Variants in RGS12 observed in about 807,000 individuals in gnomAD.
RGS12 encodes regulator of G protein signaling 12.
RGS12 carries 66 observed loss-of-function variants against 120.1 expected under a neutral mutation model. The ratio of observed to expected loss-of-function variants is 0.55; its 90% CI spans 0.45 to 0.67. RGS12 has a LOEUF of 0.67. Ranked by LOEUF, RGS12 falls within the 30% of genes least tolerant of loss-of-function variation. The probability of loss-of-function intolerance (pLI) is 0.00; values close to 1 mark genes in which losing one functional copy is unlikely to be tolerated. For missense variants in RGS12, 1,859 were observed against 1,957.7 expected (o/e 0.95, Z 0.95); for synonymous variants, 827 against 804.7 (o/e 1.03, Z -0.47).
In RGS12 at chr4:3,409,952, C is replaced by T. The variant is rs138576860; in HGVS notation, c.2021-4120C>T. Among the ~76,000 whole-genome samples, 1,152 of 152,326 alleles carry T rather than the reference C, an allele frequency of 7.6e-3. 14 individuals carry two copies. The highest frequency in any genetic ancestry group is 0.027 in the African/African-American group (1,104 of 41,560). ...CATCACTGTCCCCCAGGGTGAACTTCGTGCTGCTCCGTGCTGGCTCCCTGC... is the reference window on the plus strand; with the variant it reads ...CATCACTGTCCCCCAGGGTGAACTTTGTGCTGCTCCGTGCTGGCTCCCTGC... On this transcript the variant is annotated intron_variant, in intron 4 of 17. Coordinates refer to ENST00000336727, the MANE Select transcript of RGS12 (RefSeq NM_001394154.1).
chr4:3,423,499 T>G lies in RGS12; in HGVS notation c.3108-16T>G, dbSNP rs769499223. 5.0e-6 allele frequency: 8 copies of G among 1,612,502 alleles called. No homozygotes were observed. The highest frequency in any genetic ancestry group is 6.8e-6 in the Non-Finnish European group (8 of 1,179,472). On this transcript the variant is annotated splice_polypyrimidine_tract_variant and intron_variant, in intron 12 of 17. Coordinates refer to ENST00000336727, the MANE Select transcript of RGS12 (RefSeq NM_001394154.1). Reference sequence around the variant, plus strand: ...GCTGACATGAGTTGGTAGTGAATTTTTTCATCCCCCACCAGGCTGGATCTT... The same window carrying G: ...GCTGACATGAGTTGGTAGTGAATTTGTTCATCCCCCACCAGGCTGGATCTT...
At chr4:3,286,074 A>G in the RGS12 span, among the ~76,000 whole-genome samples, 1 of 152,216 alleles carries the variant, frequency 6.6e-6, no homozygotes, top group Non-Finnish European at 1.5e-5. Flanking sequence ...CAGATGCCTG[A>G]GGTGAGCAAG....
chr4:3,327,713 C>G (rs1235552433), intron 2 of RGS12, among the ~76,000 whole-genome samples: 5 of 152,132 alleles, frequency 3.3e-5, no homozygotes, highest in African/African-American at 9.7e-5. Flanking sequence ...AAATTAAAAC[C>G]ACAGTCAGAT....
intron 1 of RGS12, among the ~76,000 whole-genome samples, chr4:3,294,878 A>G (rs1395496131): frequency 6.6e-6 from 1 of 152,004 alleles, no homozygotes; most frequent in East Asian, 1.9e-4. Flanking sequence ...ACAAGGGCGG[A>G]GGAAAGGCCC....
At chr4:3,336,215 A>C (rs1028473839) in intron 2 of RGS12, among the ~76,000 whole-genome samples, 6 of 152,220 alleles carry the variant, frequency 3.9e-5, no homozygotes, top group African/African-American at 1.4e-4. Context: ...AAGTTGGAGT[A>C]ATTCCTTCTG....
At chr4:3,371,344 C>A (rs908134203) in intron 3 of RGS12, among the ~76,000 whole-genome samples, 1 of 152,172 alleles carries the variant, frequency 6.6e-6, no homozygotes. Context: ...TCATATCCTG[C>A]GTCGGAAAGT....
intron 9 of RGS12, 157 bp downstream of exon 9, chr4:3,417,698 C>T (rs1437637051): frequency 5.4e-6 from 4 of 736,240 alleles, no homozygotes; most frequent in Admixed American, 2.9e-5. Flanking sequence ...TAAGGAATGC[C>T]GCTGTGTCTG....
chr4:3,332,928 C>T (rs981173084), intron 2 of RGS12, among the ~76,000 whole-genome samples: 6 of 152,084 alleles, frequency 3.9e-5, no homozygotes, highest in African/African-American at 7.2e-5. Context: ...TGGGTTCAAG[C>T]GATTCTGCTG....
chr4:3,423,447 G>C, intron 12 of RGS12, 68 bp from the exon 13 acceptor site: 1 of 1,595,452 alleles, frequency 6.3e-7, no homozygotes, highest in South Asian at 1.1e-5. Flanking sequence ...CTGTAGTTCT[G>C]CTCGTGAGAC....
intron 1 of RGS12, among the ~76,000 whole-genome samples, chr4:3,293,839 CAGAG>C (rs1723201297): frequency 1.4e-5 from 2 of 145,668 alleles, no homozygotes; most frequent in African/African-American, 2.6e-5. Flanking sequence ...AGAGGGGGCC[CAGAG>C]CCGTGGAGTG....
chr4:3,302,784 G>A (rs1723756893), intron 1 of RGS12, among the ~76,000 whole-genome samples: 2 of 152,282 alleles, frequency 1.3e-5, no homozygotes, highest in South Asian at 2.1e-4. Flanking sequence ...GTCATTGGGG[G>A]CCTCAGGTAG....
chr4:3,356,039 T>A (rs868515144), intron 3 of RGS12, among the ~76,000 whole-genome samples: 1 of 146,544 alleles, frequency 6.8e-6, no homozygotes, highest in Non-Finnish European at 1.5e-5. Context: ...GGGCAGAGAT[T>A]ATCTTTTTCA....
intron 17 of RGS12, among the ~76,000 whole-genome samples, chr4:3,434,991 G>A (rs767696893): frequency 5.3e-5 from 8 of 152,110 alleles, no homozygotes; most frequent in African/African-American, 7.2e-5. Flanking sequence ...TCCACCTGCC[G>A]GCAGGGAGAT....
At chr4:3,335,348 T>C (rs1489692230) in intron 2 of RGS12, among the ~76,000 whole-genome samples, 1 of 152,224 alleles carries the variant, frequency 6.6e-6, no homozygotes, top group Non-Finnish European at 1.5e-5. Flanking sequence ...TCTAAAATAG[T>C]TTTGCTTTTG....
At chr4:3,414,278 T>C in intron 5 of RGS12, 37 bp downstream of exon 5, 1 of 1,505,550 alleles carries the variant, frequency 6.6e-7, no homozygotes, top group Non-Finnish European at 8.9e-7. Context: ...CGGAGCGGTC[T>C]GTGCTCTGCA....
Position 3,317,298 on chromosome 4 carries a change from G to A in RGS12, c.1128G>A (p.Pro376=), listed in dbSNP as rs373801360. The change falls in exon 2 of 18, where the codon CCG becomes CCA. Residue 376 remains proline, a synonymous_variant. Coordinates refer to ENST00000336727, the MANE Select transcript of RGS12 (RefSeq NM_001394154.1). The part of the protein sequence containing the change: ...DPDTNGCLEF[P]ASSLPVLQFI... Reference sequence around the variant, plus strand: ...ACACCAATGGCTGTCTGGAATTCCCGGCGTCCTCCCTCCCCGTCCTGCAGT... The same window carrying A: ...ACACCAATGGCTGTCTGGAATTCCCAGCGTCCTCCCTCCCCGTCCTGCAGT... 110 of 1,614,138 alleles carry A rather than the reference G, an allele frequency of 6.8e-5. No homozygotes were observed. In the East Asian group the frequency reaches 2.2e-3, roughly 33 times the overall value.
chr4:3,425,095 G>T (rs1723467806), intron 13 of RGS12, among the ~76,000 whole-genome samples: 1 of 152,208 alleles, frequency 6.6e-6, no homozygotes, highest in Non-Finnish European at 1.5e-5. Flanking sequence ...TCCTAAAGTT[G>T]TCTGTCTTTG....
At chr4:3,431,242 T>A (rs1004178431) in intron 17 of RGS12, 1 of 1,298,958 alleles carries the variant, frequency 7.7e-7, no homozygotes, top group Non-Finnish European at 9.8e-7. Context: ...TGCAGCGAGG[T>A]CTGGGAACAC....
At chr4:3,301,394 G>A (rs1303832219) in intron 1 of RGS12, among the ~76,000 whole-genome samples, 2 of 152,254 alleles carry the variant, frequency 1.3e-5, no homozygotes, top group Non-Finnish European at 2.9e-5. Context: ...AACAGTGGTG[G>A]AACCCTCTGT....
Sources: gnomAD v4.1 joint callset for allele counts (sites outside exome capture counted in the v4.1 genomes callset) on GRCh38, gnomAD v4.1.1 for gene constraint, MANE v1.5 for transcripts, NCBI Gene and HGNC (gene_info 2026-07-23, HGNC 2026-07-21) for gene names.